The following ARFGAP2 variants were observed in gnomAD, a reference collection of about 807,000 sequenced individuals.
ARFGAP2 encodes the protein ARF GTPase activating protein 2.
Under a neutral mutation model 71.9 loss-of-function variants are expected in ARFGAP2, and 45 were observed. The observed-to-expected ratio is 0.63, with a 90% confidence interval of 0.49 to 0.80. ARFGAP2 has a LOEUF of 0.80. Among genes scored for constraint, ARFGAP2 ranks in the 30% least tolerant of loss-of-function variants. The probability of loss-of-function intolerance (pLI) is 0.00; values close to 1 mark genes in which losing one functional copy is unlikely to be tolerated. For synonymous variants in ARFGAP2, 248 were observed against 249.2 expected (o/e 1.00, Z 0.05); for missense variants, 633 against 673.9 (o/e 0.94, Z 0.67).
chr11:47,166,303 C>T lies in ARFGAP2; in HGVS notation c.1510G>A (p.Ala504Thr). 2 of 1,614,248 alleles carry T rather than the reference C, an allele frequency of 1.2e-6. No homozygotes were observed. The highest frequency in any genetic ancestry group is 1.7e-5 in the Admixed American group (1 of 60,034). ...QGVKSVAGKM[A>T]VLANGVMNSL... ...TTCATCACACCATTGGCCAGCACAG[C>T]CATTTTCCCAGCCACAGACTTGACA... Residue 504 changes from alanine to threonine, a missense_variant, in exon 15 of 16, where the codon GCT becomes ACT. By Grantham distance (58) the Ala-to-Thr change is moderately conservative. Coordinates refer to ENST00000524782, the MANE Select transcript of ARFGAP2 (RefSeq NM_032389.6).
intron 12 of ARFGAP2, among the ~76,000 whole-genome samples, chr11:47,167,371 G>C (rs937038758): frequency 6.6e-6 from 1 of 152,278 alleles, no homozygotes; most frequent in East Asian, 1.9e-4. Context: ...GTGGACACTG[G>C]GCCAGGTATT....
chr11:47,172,749 A>T, intron 7 of ARFGAP2: 1 of 1,293,398 alleles, frequency 7.7e-7, no homozygotes, highest in Non-Finnish European at 1.0e-6. Flanking sequence ...AGATACACGG[A>T]CTCTGGAGGA....
intron 3 of ARFGAP2, 30 bp from the exon 4 acceptor site, chr11:47,175,343 C>T: frequency 6.2e-7 from 1 of 1,613,732 alleles, no homozygotes; most frequent in Non-Finnish European, 8.5e-7. Context: ...GCAGCGCGTG[C>T]TACGGGTGAT....
chr11:47,173,571 T>C, intron 6 of ARFGAP2, 89 bp from the exon 7 acceptor site: 1 of 1,444,562 alleles, frequency 6.9e-7, no homozygotes, highest in Non-Finnish European at 9.3e-7. Context: ...AATCGGTGGC[T>C]TTCCTCAGCT....
At position 47,168,875 on chromosome 11, in the gene ARFGAP2, C is replaced by T. The variant is rs1952491533; in HGVS notation, c.942-624G>A. On this transcript the variant is annotated intron_variant, in intron 10 of 15. Coordinates refer to ENST00000524782, the MANE Select transcript of ARFGAP2 (RefSeq NM_032389.6). Reference sequence around the variant, plus strand: ...AGATGCCAGTGGTCTCTGTCCTGAACAACTCCCTACCTTGTGCACTATGAA... The same window carrying T: ...AGATGCCAGTGGTCTCTGTCCTGAATAACTCCCTACCTTGTGCACTATGAA... Among the ~76,000 whole-genome samples, 3 of 152,146 alleles carry T rather than the reference C, an allele frequency of 2.0e-5. No homozygotes were observed. The South Asian group carries it at 6.2e-4, about 32-fold the overall frequency.
At chr11:47,171,926 GC>G (rs1952616182) in intron 8 of ARFGAP2, 126 bp from the exon 9 acceptor site, 1 of 1,368,438 alleles carries the variant, frequency 7.3e-7, no homozygotes, top group Non-Finnish European at 9.9e-7. Flanking sequence ...AAAAACAGGA[GC>G]CCAACCAGCA....
In ARFGAP2 at chr11:47,171,515, A is replaced by ATC; in HGVS notation, c.850_851dup (p.Asp284GlufsTer44). On this transcript the variant is annotated frameshift_variant, in exon 10 of 16. Coordinates refer to ENST00000524782, the MANE Select transcript of ARFGAP2 (RefSeq NM_032389.6). LOFTEE classifies it high-confidence loss of function. ...GTAGCTTCTTTTCCTCTTTCTTACG[A>ATC]TCAATCTGGAGCTCCTGGTAGGCCA... is the stretch of plus-strand genomic sequence containing the variant. 1.2e-6 allele frequency: 2 copies of ATC among 1,613,906 alleles called. No homozygotes were observed. Among genetic ancestry groups the ATC allele is most frequent in the Non-Finnish European group, 1.7e-6 (2 of 1,180,000 alleles).
rs757068676 is a variant in ARFGAP2 at position 47,166,243 on chromosome 11, T to C, written c.1545+25A>G. The stretch of plus-strand genomic sequence containing the variant: ...CGAAGGGCAAACCTCCCAGCACTCC[T>C]CATTAGGCCCCACTTCAGCCTCACC... On this transcript the variant is annotated intron_variant, in intron 15 of 15. Transcript: ENST00000524782. 93 of 1,611,320 alleles carry C rather than the reference T, an allele frequency of 5.8e-5. No homozygotes were observed. The East Asian group carries it at 1.6e-3, about 28-fold the overall frequency.
In ARFGAP2 at chr11:47,166,785, A is replaced by G; in HGVS notation, c.1307T>C (p.Phe436Ser). 6.2e-7 allele frequency: 1 copy of G among 1,613,950 alleles called. No individual in the cohort carries two copies. The change falls in exon 13 of 16, where the codon TTC (phenylalanine) becomes TCC (serine). Residue 436 changes from phenylalanine (F) to serine (S), a missense_variant. Transcript: ENST00000524782. ...CTCTGCATCCACCTCCCGCCCAAAG[A>G]ACATGTCAGATGAGATGGCTTTGGC... ...AGAKAISSDM[F>S]FGREVDAEYE...
At position 47,168,140 on chromosome 11, in the gene ARFGAP2, G is replaced by GA; in HGVS notation, c.1052dup (p.Ala352ArgfsTer68). On this transcript the variant is annotated frameshift_variant, in exon 11 of 16. Transcript: ENST00000524782. LOFTEE classifies it high-confidence loss of function. The stretch of plus-strand genomic sequence containing the variant: ...AGCCTTACTTTGGGGGTCCAGAGGC[G>GA]AAAGTACCAACATCGTCAAACAAGT... 1 of 1,614,220 alleles carries GA rather than the reference G, an allele frequency of 6.2e-7. No homozygotes were observed. The highest frequency in any genetic ancestry group is 8.5e-7 in the Non-Finnish European group (1 of 1,180,038).
At position 47,167,989 on chromosome 11, in the gene ARFGAP2, T is replaced by C; in HGVS notation, c.1125A>G (p.Thr375=). Reference sequence around the variant, plus strand: ...CCCTGTCCATACCCCAGGCAGCATCTGTATCCCAGCGGGAGCCAAAGCTTT... The same window carrying C: ...CCCTGTCCATACCCCAGGCAGCATCCGTATCCCAGCGGGAGCCAAAGCTTT... ...LGESFGSRWD[T]DAAWGMDRVE... Residue 375 remains threonine, a synonymous_variant, in exon 12 of 16, where the codon ACA becomes ACG. Coordinates refer to ENST00000524782, the MANE Select transcript of ARFGAP2 (RefSeq NM_032389.6). 1 of 1,614,200 alleles carries C rather than the reference T, an allele frequency of 6.2e-7. No individual in the cohort carries two copies. Among genetic ancestry groups the C allele is most frequent in the East Asian group, 2.2e-5 (1 of 44,886 alleles).
Position 47,171,759 on chromosome 11 carries a change from G to A in ARFGAP2, c.714C>T (p.Ser238=). ...GCCGCTCAATCTCACTGAAGCTCTG[G>A]CTGCTCACCTTCTGGGCCCCTAGGC... ...KKGLGAQKVS[S]QSFSEIERQA... The change falls in exon 9 of 16, where the codon AGC becomes AGT. Residue 238 remains serine, a synonymous_variant. Coordinates refer to ENST00000524782, the MANE Select transcript of ARFGAP2 (RefSeq NM_032389.6). 1 of 1,613,990 alleles carries A rather than the reference G, an allele frequency of 6.2e-7. No individual in the cohort carries two copies. The highest frequency in any genetic ancestry group is 1.3e-5 in the African/African-American group (1 of 75,076).
At chr11:47,175,947 C>G (rs1952796533) in intron 2 of ARFGAP2, 24 bp from the exon 3 acceptor site, 2 of 1,612,864 alleles carry the variant, frequency 1.2e-6, no homozygotes, top group Non-Finnish European at 1.7e-6. Context: ...CTGCGTCTCA[C>G]CCACTAGCAG....
chr11:47,166,650 G>T, intron 13 of ARFGAP2, 51 bp from the exon 14 acceptor site: 1 of 1,605,680 alleles, frequency 6.2e-7, no homozygotes. Context: ...GATGACCCAA[G>T]GACTCACACA....
chr11:47,171,705 C>T lies in ARFGAP2; in HGVS notation c.768G>A (p.Glu256=). 6.2e-7 allele frequency: 1 copy of T among 1,613,844 alleles called. No individual in the cohort carries two copies. The highest frequency in any genetic ancestry group is 8.5e-7 in the Non-Finnish European group (1 of 1,180,056). Residue 256 remains glutamate (E), a synonymous_variant, in exon 9 of 16, where the codon GAG becomes GAA. Transcript: ENST00000524782. ...GCTTCTTGGCATCGGCTGCCTGCTG[C>T]TCACGGAGCTTCTCTGCCACCTGAG... is the stretch of plus-strand genomic sequence containing the variant. ...RQAQVAEKLR[E]QQAADAKKQA...
At chr11:47,166,245 A>C in intron 15 of ARFGAP2, 23 bp downstream of exon 15, 1 of 1,612,058 alleles carries the variant, frequency 6.2e-7, no homozygotes, top group Non-Finnish European at 8.5e-7. Flanking sequence ...AGCACTCCTC[A>C]TTAGGCCCCA....
intron 7 of ARFGAP2, chr11:47,172,616 T>C: frequency 7.6e-7 from 1 of 1,316,468 alleles, no homozygotes; most frequent in Non-Finnish European, 1.0e-6. Context: ...AAACAAAGAC[T>C]GCGAGGCAGG....
chr11:47,171,427 T>G lies in ARFGAP2; in HGVS notation c.940A>C (p.Ser314Arg). 6.2e-7 allele frequency: 1 copy of G among 1,614,214 alleles called. No homozygotes were observed. The change falls in exon 10 of 16, where the codon AGC becomes CGC. Residue 314 changes from serine (S) to arginine (R), a missense_variant and splice_region_variant. Ser to Arg is a moderately radical substitution (Grantham distance 110, BLOSUM62 -1). Coordinates refer to ENST00000524782, the MANE Select transcript of ARFGAP2 (RefSeq NM_032389.6). ...ERLGMGLVSR[S>R]SVSHSVLSEM... ...GCCACACCCGGAGCTGAGCCTCACC[T>G]TCGGGATACCAAGCCCATGCCCAAC...
chr11:47,166,507 T>C lies in ARFGAP2; in HGVS notation c.1425A>G (p.Ala475=), dbSNP rs1158669708. 2 of 1,613,000 alleles carry C rather than the reference T, an allele frequency of 1.2e-6. No individual in the cohort carries two copies. The highest frequency in any genetic ancestry group is 1.7e-5 in the Admixed American group (1 of 60,020). ...CCTGCCACCCCACCAGGGCCCTACCTGCTCCGTGAGCTCCATCCATGTCCC... is the reference window on the plus strand; with the variant it reads ...CCTGCCACCCCACCAGGGCCCTACCCGCTCCGTGAGCTCCATCCATGTCCC... The part of the protein sequence containing the change: ...LFGDMDGAHG[A]GSVSLGNVLP... Residue 475 remains alanine, a splice_region_variant and synonymous_variant, in exon 14 of 16, where the codon GCA becomes GCG. Coordinates refer to ENST00000524782, the MANE Select transcript of ARFGAP2 (RefSeq NM_032389.6).
Sources: gnomAD v4.1 joint callset for allele counts (sites outside exome capture counted in the v4.1 genomes callset) on GRCh38, gnomAD v4.1.1 for gene constraint, MANE v1.5 for transcripts, NCBI Gene and HGNC (gene_info 2026-07-23, HGNC 2026-07-21) for gene names.